The following NUP98 variants were observed in gnomAD, a reference collection of about 807,000 sequenced individuals.
NUP98 encodes nucleoporin 98 and 96 precursor.
NUP98 carries 26 observed loss-of-function variants against 191.9 expected under a neutral mutation model. The observed-to-expected ratio is 0.14, with a 90% CI of 0.10 to 0.19. The LOEUF is 0.19. NUP98 is among the 10% of genes least tolerant of loss of function. The probability of loss-of-function intolerance (pLI) is 1.00; values close to 1 mark genes in which losing one functional copy is unlikely to be tolerated. For synonymous variants in NUP98, 808 were observed against 778.4 expected, an observed-to-expected ratio of 1.04 and a Z score of -0.63; for missense variants, 1,941 against 2,178.8, an observed-to-expected ratio of 0.89 and a Z score of 2.17.
intron 18 of NUP98, chr11:3,714,747 CAT>C (rs769997268): frequency 2.0e-5 from 3 of 152,644 alleles, no homozygotes; most frequent in African/African-American, 7.2e-5. Context: ...GGCTGAATAA[CAT>C]ATATTTTTTA....
chr11:3,689,391 G>A (rs1413046171), intron 28 of NUP98, among the ~76,000 whole-genome samples: 7 of 152,040 alleles, frequency 4.6e-5, no homozygotes, highest in African/African-American at 1.7e-4. Context: ...GCTGGGCGTG[G>A]TGGTGGGTGC....
intron 7 of NUP98, among the ~76,000 whole-genome samples, chr11:3,771,163 T>G (rs2081518998): frequency 6.6e-6 from 1 of 152,150 alleles, no homozygotes; most frequent in Non-Finnish European, 1.5e-5. Context: ...ACACTTGGCC[T>G]CTTTTCCATC....
At chr11:3,707,688 A>C (rs2134142539) in intron 20 of NUP98, among the ~76,000 whole-genome samples, 1 of 141,056 alleles carries the variant, frequency 7.1e-6, no homozygotes, top group Non-Finnish European at 1.5e-5. Context: ...GTAGTGAGCC[A>C]AGACTGGGCC....
intron 14 of NUP98, among the ~76,000 whole-genome samples, chr11:3,727,328 G>A (rs780869443): frequency 2.1e-4 from 32 of 152,088 alleles, no homozygotes; most frequent in Non-Finnish European, 4.1e-4. Flanking sequence ...ACCCAGGTGA[G>A]GGTGGGGGGC....
intron 11 of NUP98, among the ~76,000 whole-genome samples, chr11:3,752,183 A>G (rs2080785952): frequency 6.6e-6 from 1 of 151,214 alleles, no homozygotes; most frequent in South Asian, 2.1e-4. Context: ...AAAAATAAAA[A>G]CCACAAAAGC....
intron 31 of NUP98, among the ~76,000 whole-genome samples, chr11:3,676,909 T>C (rs939363350): frequency 1.3e-5 from 2 of 152,080 alleles, no homozygotes; most frequent in Non-Finnish European, 2.9e-5. Flanking sequence ...TCAAGATAAA[T>C]TGGGTTCAGA....
chr11:3,719,372 G>GA (rs752531422), intron 18 of NUP98, 40 bp downstream of exon 18: 1 of 1,546,526 alleles, frequency 6.5e-7, no homozygotes, highest in South Asian at 1.2e-5. Flanking sequence ...AAAAAATTGT[G>GA]ATTTAGCTGA....
At chr11:3,712,798 T>G in intron 19 of NUP98, 70 bp from the exon 20 acceptor site, 1 of 1,494,566 alleles carries the variant, frequency 6.7e-7, no homozygotes, top group South Asian at 1.2e-5. Context: ...TTTGCAATCT[T>G]GCAGCATTAC....
At chr11:3,700,142 T>G (rs1192196034) in intron 24 of NUP98, among the ~76,000 whole-genome samples, 1 of 151,682 alleles carries the variant, frequency 6.6e-6, no homozygotes, top group Non-Finnish European at 1.5e-5. Context: ...GATCACGAGG[T>G]CAAGAGATCG....
intron 11 of NUP98, among the ~76,000 whole-genome samples, chr11:3,749,065 T>C (rs1213463919): frequency 6.6e-6 from 1 of 151,564 alleles, no homozygotes; most frequent in Non-Finnish European, 1.5e-5. Flanking sequence ...TCCCAGCACT[T>C]TGGGAGGCCG....
chr11:3,732,584 CATT>C (rs1182179208), intron 13 of NUP98, among the ~76,000 whole-genome samples: 1 of 152,152 alleles, frequency 6.6e-6, no homozygotes, highest in African/African-American at 2.4e-5. Flanking sequence ...TTTTAGTAAA[CATT>C]AATAATTAAA....
At chr11:3,792,334 C>T (rs938659332) in intron 1 of NUP98, among the ~76,000 whole-genome samples, 8 of 151,814 alleles carry the variant, frequency 5.3e-5, no homozygotes, top group Non-Finnish European at 1.2e-4. Flanking sequence ...CTGGGCCAGG[C>T]CTATGGGGCT....
At chr11:3,746,294 A>AAAAAT (rs144936005) in intron 11 of NUP98, among the ~76,000 whole-genome samples, 1 of 93,086 alleles carries the variant, frequency 1.1e-5, no homozygotes, top group Non-Finnish European at 2.0e-5. Context: ...AAAAAAAAAA[A>AAAAAT]GACAGCTTTG....
chr11:3,737,428 A>T (rs1057117773), intron 12 of NUP98, among the ~76,000 whole-genome samples: 11 of 151,954 alleles, frequency 7.2e-5, no homozygotes, highest in Non-Finnish European at 1.5e-4. Context: ...GATCGAGACT[A>T]TCCTGGCTAA....
chr11:3,738,217 G>A (rs1215706301), intron 12 of NUP98, among the ~76,000 whole-genome samples: 1 of 151,966 alleles, frequency 6.6e-6, no homozygotes, highest in Non-Finnish European at 1.5e-5. Flanking sequence ...AAAGACACAG[G>A]TAAGAGAGTA....
chr11:3,735,277 G>T lies in NUP98; in HGVS notation c.1456C>A (p.Gln486Lys), dbSNP rs769254631. 1 of 1,585,038 alleles carries T rather than the reference G, an allele frequency of 6.3e-7. No homozygotes were observed. The highest frequency in any genetic ancestry group is 1.2e-5 in the South Asian group (1 of 85,890). The change falls in exon 13 of 33, where the codon CAG becomes AAG. Residue 486 changes from glutamine (Q) to lysine (K), a missense_variant. This residue lies in a region of NUP98 where 453 missense variants were observed against 438.2 expected (regional missense o/e 1.03). Coordinates refer to ENST00000324932, the MANE Select transcript of NUP98 (RefSeq NM_016320.5). ...GAGTATGTTAGACTATTGATGTGCTGCTGGAGAACAGCCTGCTGGGCAGCA... is the reference window on the plus strand; with the variant it reads ...GAGTATGTTAGACTATTGATGTGCTTCTGGAGAACAGCCTGCTGGGCAGCA... ...ASAAQQAVLQQHINSLTYSPF... is the reference protein window; with the variant it reads ...ASAAQQAVLQKHINSLTYSPF...
At chr11:3,747,463 G>C (rs945033749) in intron 11 of NUP98, among the ~76,000 whole-genome samples, 1 of 152,134 alleles carries the variant, frequency 6.6e-6, no homozygotes, top group Admixed American at 6.5e-5. Context: ...GTGTGCAATT[G>C]ATAGTGCTAA....
rs112076543 is a variant in NUP98 at position 3,744,478 on chromosome 11, A to C, written c.1408+31T>G. Reference sequence around the variant, plus strand: ...GTCAGCAAGTATTAGCAAAAAATTAAGAAAAGCCTTCTAAAGTGACTGACA... The same window carrying C: ...GTCAGCAAGTATTAGCAAAAAATTACGAAAAGCCTTCTAAAGTGACTGACA... On this transcript the variant is annotated intron_variant, in intron 12 of 32. Transcript: ENST00000324932. 8.3e-4 allele frequency: 1,310 copies of C among 1,571,642 alleles called. 12 individuals carry two copies. In the African/African-American group the frequency reaches 0.016, roughly 19 times the overall value.
rs1341125035 is a variant in NUP98, at chr11:3,725,145, T to C, written c.1805A>G (p.Glu602Gly). The C allele has an allele frequency of 1.2e-6, 2 of 1,601,370 alleles. No individual in the cohort carries two copies. The highest frequency in any genetic ancestry group is 1.7e-6 in the Non-Finnish European group (2 of 1,169,326). Reference sequence around the variant, plus strand: ...ATATTCAGATGGTGAAGCTAGATTTTCTGAATCACGATTAACAGGAGAAAA... The same window carrying C: ...ATATTCAGATGGTGAAGCTAGATTTCCTGAATCACGATTAACAGGAGAAAA... ...NLFSPVNRDS[E>G]NLASPSEYPE... is the part of the protein sequence containing the mutation. The change falls in exon 15 of 33, where the codon GAA becomes GGA. Residue 602 changes from glutamate (E) to glycine (G), a missense_variant. Around this residue, in one of 6 missense-constraint regions of NUP98, gnomAD observed 453 missense variants for 438.2 expected, o/e 1.03. Transcript: ENST00000324932.
Sources: gnomAD v4.1 joint callset for allele counts (sites outside exome capture counted in the v4.1 genomes callset) on GRCh38, gnomAD v4.1.1 for gene constraint, gnomAD v4.1.1 regional missense constraint, MANE v1.5 for transcripts, NCBI Gene and HGNC (gene_info 2026-07-23, HGNC 2026-07-21) for gene names.